FGF10: variants seen among roughly 807,000 people sequenced by gnomAD.
The protein encoded by FGF10 is fibroblast growth factor 10.
Under a neutral mutation model 19.8 loss-of-function variants are expected in FGF10, and 2 were observed. The ratio of observed to expected loss-of-function variants is 0.10; its 90% CI spans 0.04 to 0.32. FGF10 has a LOEUF of 0.32. Ranked by LOEUF, FGF10 falls within the 10% of genes least tolerant of loss-of-function variation. The probability of loss-of-function intolerance (pLI) is 1.00; values close to 1 mark genes in which losing one functional copy is unlikely to be tolerated. For missense variants in FGF10, 191 were observed against 246.3 expected (o/e 0.78, Z 1.50); for synonymous variants, 112 against 94.0 (o/e 1.19, Z -1.10).
chr5:44,343,967 G>T (rs1741027009), intron 1 of FGF10, among the ~76,000 whole-genome samples: 1 of 151,982 alleles, frequency 6.6e-6, no homozygotes, highest in Non-Finnish European at 1.5e-5. Context: ...GACTGGTGTT[G>T]AGAAAATACT....
At position 44,304,862 on chromosome 5, in the gene FGF10, G is replaced by T. The variant is rs1296429571; in HGVS notation, c.*133C>A. 2.3e-6 allele frequency: 2 copies of T among 851,402 alleles called. No homozygotes were observed. The highest frequency in any genetic ancestry group is 3.3e-5 in the African/African-American group (2 of 59,938). The allele number at this position is 851,402 out of a possible 1,614,324, so 52.7% of individuals were successfully genotyped here. Reference sequence around the variant, plus strand: ...GCAGTGAATACAAAAACCTTCAAAGGCTGGCTTTCTTTTAAGCAAGCAGAC... The same window carrying T: ...GCAGTGAATACAAAAACCTTCAAAGTCTGGCTTTCTTTTAAGCAAGCAGAC... On this transcript the variant is annotated 3_prime_UTR_variant, in exon 3 of 3. Transcript: ENST00000264664.
chr5:44,335,608 G>C (rs1020574428), intron 1 of FGF10, among the ~76,000 whole-genome samples: 1 of 151,974 alleles, frequency 6.6e-6, no homozygotes, highest in Non-Finnish European at 1.5e-5. Context: ...ATTTATTTAG[G>C]TTAAATTATT....
chr5:44,382,420 A>G (rs547406548), intron 1 of FGF10, among the ~76,000 whole-genome samples: 1 of 152,306 alleles, frequency 6.6e-6, no homozygotes, highest in African/African-American at 2.4e-5. Flanking sequence ...GTAAAACATC[A>G]ACATTTTGTA....
intron 1 of FGF10, among the ~76,000 whole-genome samples, chr5:44,362,522 C>T (rs1011216593): frequency 6.6e-6 from 1 of 151,714 alleles, no homozygotes; most frequent in Admixed American, 6.6e-5. Flanking sequence ...TATATTTCCT[C>T]ATATTTGACA....
intron 1 of FGF10, among the ~76,000 whole-genome samples, chr5:44,330,156 A>G (rs957833546): frequency 2.0e-5 from 3 of 152,184 alleles, no homozygotes; most frequent in Non-Finnish European, 2.9e-5. Context: ...AAAGTATTGC[A>G]TTTTCAAAAG....
chr5:44,322,431 A>G (rs1202969774), intron 1 of FGF10, among the ~76,000 whole-genome samples: 3 of 152,176 alleles, frequency 2.0e-5, no homozygotes, highest in Non-Finnish European at 2.9e-5. Flanking sequence ...CAGCTGGTAC[A>G]TGATCACTTA....
chr5:44,389,116 G>A lies in FGF10; in HGVS notation c.-434C>T. 1 of 298,658 alleles carries A rather than the reference G, an allele frequency of 3.3e-6. No homozygotes were observed. The highest frequency in any genetic ancestry group is 6.6e-6 in the Non-Finnish European group (1 of 151,500). 18.5% of individuals were successfully genotyped at this position (298,658 alleles called of 1,614,324 possible). A position where few individuals can be genotyped will look rare whatever the true frequency, so the allele number is the denominator to read the frequency against. The stretch of plus-strand genomic sequence containing the variant: ...CAAGGGAGGTGGGGTGGGGAATAGG[G>A]GGAGATATCTGCACCCCTCTGCGGT... On this transcript the variant is annotated 5_prime_UTR_variant, in exon 1 of 3. Coordinates refer to ENST00000264664, the MANE Select transcript of FGF10 (RefSeq NM_004465.2).
At chr5:44,383,508 G>A (rs1225356456) in intron 1 of FGF10, among the ~76,000 whole-genome samples, 1 of 151,980 alleles carries the variant, frequency 6.6e-6, no homozygotes, top group Non-Finnish European at 1.5e-5. Context: ...CTAGAATTTG[G>A]TGTCTCTGAA....
chr5:44,345,983 A>G (rs1251997538), intron 1 of FGF10, among the ~76,000 whole-genome samples: 1 of 151,828 alleles, frequency 6.6e-6, no homozygotes, highest in African/African-American at 2.4e-5. Flanking sequence ...ATGCCCAAAC[A>G]TACATCTCCA....
chr5:44,383,484 G>A (rs747374711), intron 1 of FGF10, among the ~76,000 whole-genome samples: 22 of 152,016 alleles, frequency 1.4e-4, no homozygotes, highest in Non-Finnish European at 2.4e-4. Flanking sequence ...ATAGGTTACT[G>A]AAATATCCAA....
rs993646918 is a variant in FGF10, at chr5:44,300,978, G to A, written c.*4017C>T. On this transcript the variant is annotated 3_prime_UTR_variant, in exon 3 of 3. Coordinates refer to ENST00000264664, the MANE Select transcript of FGF10 (RefSeq NM_004465.2). ...GAAAGAAGTAGACTAGAAGCAATCT[G>A]GCCTAACCAAATAAAACCAATGAAG... 6.6e-6 allele frequency among the ~76,000 whole-genome samples: 1 copy of A among 151,936 alleles called. No homozygotes were observed. The highest frequency in any genetic ancestry group is 1.5e-5 in the Non-Finnish European group (1 of 67,994).
intron 1 of FGF10, among the ~76,000 whole-genome samples, chr5:44,341,341 T>C (rs1740965572): frequency 6.6e-6 from 1 of 151,830 alleles, no homozygotes; most frequent in Non-Finnish European, 1.5e-5. Flanking sequence ...AGCAAGAATG[T>C]AAAAAAACTA....
chr5:44,331,506 T>C (rs1185624177), intron 1 of FGF10, among the ~76,000 whole-genome samples: 4 of 152,206 alleles, frequency 2.6e-5, no homozygotes, highest in Non-Finnish European at 1.5e-5. Context: ...TTTTCATGTT[T>C]GATTCAATGT....
At chr5:44,371,763 A>T (rs1263910409) in intron 1 of FGF10, among the ~76,000 whole-genome samples, 3 of 152,156 alleles carry the variant, frequency 2.0e-5, no homozygotes, top group Non-Finnish European at 4.4e-5. Context: ...ATCCCTTTAG[A>T]TTCAACTAAA....
At chr5:44,334,944 T>G (rs115263159) in intron 1 of FGF10, among the ~76,000 whole-genome samples, 2,107 of 152,258 alleles carry the variant, frequency 0.014, 46 homozygotes, top group African/African-American at 0.047. Context: ...TTTCTTTGTC[T>G]CCCTTAATCA....
intron 1 of FGF10, among the ~76,000 whole-genome samples, chr5:44,351,981 C>CAGTAGTAAAATTAA (rs754531218): frequency 3.0e-4 from 45 of 151,532 alleles, no homozygotes; most frequent in Non-Finnish European, 5.5e-4. Context: ...TTTAATACTA[C>CAGTAGTAAAATTAA]TAACTCAGTA....
At chr5:44,366,557 TC>T (rs1741618651) in intron 1 of FGF10, among the ~76,000 whole-genome samples, 1 of 151,992 alleles carries the variant, frequency 6.6e-6, no homozygotes, top group Non-Finnish European at 1.5e-5. Context: ...TTAGTCTGTT[TC>T]CTTTAAACAG....
intron 1 of FGF10, among the ~76,000 whole-genome samples, chr5:44,381,479 A>T (rs920694010): frequency 2.0e-5 from 3 of 151,402 alleles, no homozygotes; most frequent in African/African-American, 7.3e-5. Flanking sequence ...ATAAAAAAAA[A>T]AACACACACA....
chr5:44,383,613 C>T (rs1742031538), intron 1 of FGF10, among the ~76,000 whole-genome samples: 1 of 152,020 alleles, frequency 6.6e-6, no homozygotes. Flanking sequence ...GAAGAGGAAA[C>T]TCTCTTGAAT....
Sources: allele counts gnomAD v4.1 joint callset (sites outside exome capture counted in the v4.1 genomes callset), GRCh38; gene constraint gnomAD v4.1.1; transcripts MANE v1.5; gene names NCBI Gene and HGNC (gene_info 2026-07-23, HGNC 2026-07-21).